Variants in GRIK4 observed in about 807,000 individuals in gnomAD.
GRIK4 encodes the protein glutamate receptor ionotropic, kainate 4.
Under a neutral mutation model 104.9 loss-of-function variants are expected in GRIK4, and 40 were observed. That is an observed-to-expected ratio of 0.38 (90% CI 0.30 to 0.50). The LOEUF (loss-of-function observed/expected upper bound fraction) is 0.50, where lower values mean the gene tolerates loss of function less well. Ranked by LOEUF, GRIK4 falls within the 20% of genes least tolerant of loss-of-function variation. The pLI, the probability that GRIK4 is intolerant of heterozygous loss-of-function variation, is 0.93. For missense variants in GRIK4, 1,047 were observed against 1,308.1 expected, an observed-to-expected ratio of 0.80 and a Z score of 3.08; for synonymous variants, 485 against 524.9, an observed-to-expected ratio of 0.92 and a Z score of 1.04.
At position 120,903,958 on chromosome 11, in the gene GRIK4, C is replaced by T. The variant is rs557102456; in HGVS notation, c.1273-1332C>T. Among the ~76,000 whole-genome samples, 121 of 152,314 alleles carry T rather than the reference C, an allele frequency of 7.9e-4. No homozygotes were observed. Among genetic ancestry groups the T allele is most frequent in the African/African-American group, 2.7e-3 (113 of 41,564 alleles). On this transcript the variant is annotated intron_variant, in intron 12 of 20. Coordinates refer to ENST00000527524, the MANE Select transcript of GRIK4 (RefSeq NM_014619.5). The surrounding 1 kb of genome is among the most constrained non-coding windows in gnomAD (Gnocchi z 4.4). ...TGGGAGTGGCTACATCCTCTATCTT[C>T]CAATTTCCTCCTCCTTGACGCTAAG...
chr11:120,860,739 G>A (rs182404575), intron 8 of GRIK4, among the ~76,000 whole-genome samples: 2 of 152,302 alleles, frequency 1.3e-5, no homozygotes, highest in African/African-American at 4.8e-5. Context: ...TCAAGTGAAT[G>A]AAAAAATTAG....
chr11:120,927,253 T>C lies in GRIK4; in HGVS notation c.1477-13094T>C, dbSNP rs143938440. 5.9e-5 allele frequency among the ~76,000 whole-genome samples: 9 copies of C among 152,262 alleles called. No individual in the cohort carries two copies. In the East Asian group the frequency reaches 1.7e-3, roughly 29 times the overall value. On this transcript the variant is annotated intron_variant, in intron 13 of 20. Coordinates refer to ENST00000527524, the MANE Select transcript of GRIK4 (RefSeq NM_014619.5). ...ATACACCCATGGTCTGAGGATAGCATTGAGAGTCCACAAAACTAGAAAGGA... is the reference window on the plus strand; with the variant it reads ...ATACACCCATGGTCTGAGGATAGCACTGAGAGTCCACAAAACTAGAAAGGA...
intron 11 of GRIK4, among the ~76,000 whole-genome samples, chr11:120,882,021 C>T (rs1954981287): frequency 6.6e-6 from 1 of 152,156 alleles, no homozygotes; most frequent in East Asian, 1.9e-4. Flanking sequence ...CAACAGAAAA[C>T]CATCAAAGCG....
chr11:120,525,071 C>A (rs1947841881), intron 1 of GRIK4, among the ~76,000 whole-genome samples: 1 of 152,132 alleles, frequency 6.6e-6, no homozygotes, highest in Non-Finnish European at 1.5e-5. Context: ...ATGATGCCTG[C>A]AGTGCTGGGT....
chr11:120,575,954 G>T (rs1409925796), intron 1 of GRIK4: 1 of 150,370 alleles, frequency 6.7e-6, no homozygotes, highest in Non-Finnish European at 1.5e-5. Context: ...GCAAGATCCT[G>T]TCTCTGAAAA....
At chr11:120,671,143 A>G (rs1950010547) in intron 3 of GRIK4, among the ~76,000 whole-genome samples, 1 of 152,114 alleles carries the variant, frequency 6.6e-6, no homozygotes, top group Non-Finnish European at 1.5e-5. Context: ...TGCTGTTGTG[A>G]ATAGTGCTGC....
At chr11:120,693,282 T>C (rs1161465156) in intron 3 of GRIK4, among the ~76,000 whole-genome samples, 3 of 151,478 alleles carry the variant, frequency 2.0e-5, no homozygotes, top group Non-Finnish European at 4.4e-5. Flanking sequence ...TTTTTATATT[T>C]TTAGTAGAGA....
intron 1 of GRIK4, among the ~76,000 whole-genome samples, chr11:120,554,446 C>T (rs990953412): frequency 6.6e-6 from 1 of 152,202 alleles, no homozygotes; most frequent in Non-Finnish European, 1.5e-5. Context: ...TAGGTGTTTT[C>T]CTGGGACTTT....
intron 1 of GRIK4, among the ~76,000 whole-genome samples, chr11:120,616,939 A>G (rs1949124734): frequency 6.6e-6 from 1 of 152,002 alleles, no homozygotes; most frequent in Non-Finnish European, 1.5e-5. Flanking sequence ...GCTAAAGGGG[A>G]CTTTTTTAAG....
intron 1 of GRIK4, among the ~76,000 whole-genome samples, chr11:120,609,012 A>G (rs75596758): frequency 1.3e-5 from 2 of 152,220 alleles, no homozygotes; most frequent in East Asian, 3.9e-4. Context: ...CAGTGCCTGT[A>G]ACAAATTCCA....
intron 3 of GRIK4, among the ~76,000 whole-genome samples, chr11:120,680,363 G>C (rs117999541): frequency 6.6e-6 from 1 of 151,840 alleles, no homozygotes; most frequent in Non-Finnish European, 1.5e-5. Flanking sequence ...TATTACAGAC[G>C]TGAGCCACTG....
chr11:120,571,011 A>C (rs12279396), intron 1 of GRIK4, among the ~76,000 whole-genome samples: 1 of 151,830 alleles, frequency 6.6e-6, no homozygotes, highest in Non-Finnish European at 1.5e-5. Flanking sequence ...ATGATTTTCC[A>C]CAAGGTCACT....
At chr11:120,635,103 C>T (rs1949382409) in intron 1 of GRIK4, among the ~76,000 whole-genome samples, 1 of 152,098 alleles carries the variant, frequency 6.6e-6, no homozygotes, top group Admixed American at 6.5e-5. Flanking sequence ...CCCAGGATTC[C>T]CAGCTGAAAC....
intron 1 of GRIK4, among the ~76,000 whole-genome samples, chr11:120,558,261 A>G (rs1948206481): frequency 1.3e-5 from 2 of 152,126 alleles, no homozygotes; most frequent in African/African-American, 2.4e-5. Context: ...TAGGTATTCT[A>G]TAATGTCAGC....
intron 12 of GRIK4, among the ~76,000 whole-genome samples, chr11:120,899,273 T>C (rs1382498313): frequency 6.6e-6 from 1 of 151,604 alleles, no homozygotes; most frequent in Non-Finnish European, 1.5e-5. Flanking sequence ...ATAGAAAAAT[T>C]AGCTGGGCAC....
In GRIK4 at chr11:120,672,825, G is replaced by C. The variant is rs372498888; in HGVS notation, c.82+12425G>C. ...GCTTATCAGCTTAAGGAGTTTTTGGGCTGAGATGACAGGCTTTTCTAAATA... is the reference window on the plus strand; with the variant it reads ...GCTTATCAGCTTAAGGAGTTTTTGGCCTGAGATGACAGGCTTTTCTAAATA... On this transcript the variant is annotated intron_variant, in intron 3 of 20. Transcript: ENST00000527524. 1.4e-4 allele frequency among the ~76,000 whole-genome samples: 22 copies of C among 152,280 alleles called. No individual in the cohort carries two copies. The East Asian group carries it at 1.7e-3, about 12-fold the overall frequency.
chr11:120,773,974 G>T (rs1951993622), intron 3 of GRIK4, among the ~76,000 whole-genome samples: 1 of 152,166 alleles, frequency 6.6e-6, no homozygotes, highest in Admixed American at 6.5e-5. Flanking sequence ...CACAGAAAAA[G>T]CCCCACTGAC....
intron 12 of GRIK4, among the ~76,000 whole-genome samples, chr11:120,901,658 G>A (rs906035261): frequency 5.9e-5 from 9 of 152,216 alleles, no homozygotes; most frequent in African/African-American, 2.2e-4. Context: ...CCTTCCTACA[G>A]GGTAGGGGTG....
chr11:120,797,375 A>G (rs537872857), intron 3 of GRIK4, among the ~76,000 whole-genome samples: 74 of 152,312 alleles, frequency 4.9e-4, no homozygotes, highest in African/African-American at 1.8e-3. Context: ...TGGGGGACGC[A>G]GTGCAGGCTA....
Sources: allele counts gnomAD v4.1 joint callset (sites outside exome capture counted in the v4.1 genomes callset), GRCh38; gene constraint gnomAD v4.1.1; non-coding constraint Gnocchi (gnomAD v3.1); transcripts MANE v1.5; gene names NCBI Gene and HGNC (gene_info 2026-07-23, HGNC 2026-07-21).